CPSF2: variants seen among roughly 807,000 people sequenced by gnomAD.
The protein encoded by CPSF2 is cleavage and polyadenylation specific factor 2.
A neutral mutation model predicts 84.2 loss-of-function variants in CPSF2; 51 were observed. That is an observed-to-expected ratio of 0.61 (90% CI 0.48 to 0.77). CPSF2 has a LOEUF of 0.77. CPSF2 is among the 30% of genes least tolerant of loss of function. The pLI, the probability that CPSF2 is intolerant of heterozygous loss-of-function variation, is 0.00. For missense variants in CPSF2, 641 were observed against 929.4 expected (o/e 0.69, Z 4.03); for synonymous variants, 286 against 311.9 (o/e 0.92, Z 0.87).
At position 92,165,182 on chromosome 14, in the gene CPSF2, A is replaced by G. The variant is rs987412127; in HGVS notation, c.*3438A>G. On this transcript the variant is annotated 3_prime_UTR_variant, in exon 16 of 16. Transcript: ENST00000298875. The stretch of plus-strand genomic sequence containing the variant: ...CTTATCCATTCAACCGTTGATGTAC[A>G]TTTGAGTTGATTCCAAATTTTGGCT... The G allele has an allele frequency of 2.0e-5, 3 of 151,798 alleles. No individual in the cohort carries two copies. The highest frequency in any genetic ancestry group is 7.3e-5 in the African/African-American group (3 of 41,292). 9.4% of individuals were successfully genotyped at this position (151,798 alleles called of 1,614,324 possible).
chr14:92,147,021 T>C (rs1343638695), intron 9 of CPSF2, among the ~76,000 whole-genome samples: 1 of 152,176 alleles, frequency 6.6e-6, no homozygotes, highest in East Asian at 1.9e-4. Context: ...ATCACCTTAC[T>C]TGAAGTATTT....
At chr14:92,149,449 T>G (rs947353259) in intron 9 of CPSF2, among the ~76,000 whole-genome samples, 2 of 152,000 alleles carry the variant, frequency 1.3e-5, no homozygotes, top group Non-Finnish European at 2.9e-5. Context: ...AAAAGAAATT[T>G]GAAAGAGAAT....
chr14:92,168,066 G>GA lies in CPSF2; in HGVS notation c.*6322_*6323insA, dbSNP rs2069473278. 1 of 151,880 alleles carries GA rather than the reference G, an allele frequency of 6.6e-6. No homozygotes were observed. Among genetic ancestry groups the GA allele is most frequent in the African/African-American group, 2.4e-5 (1 of 41,306 alleles). The allele number at this position is 151,880 out of a possible 1,614,324, so 9.4% of individuals were successfully genotyped here. On this transcript the variant is annotated 3_prime_UTR_variant, in exon 16 of 16. Coordinates refer to ENST00000298875, the MANE Select transcript of CPSF2 (RefSeq NM_017437.3). ...GTTCCAGACCAGCCTGGCCAACATG[G>GA]TGAAACCTCATCTCTACTAAAATTA...
At chr14:92,136,313 G>A (rs189118106) in intron 6 of CPSF2, among the ~76,000 whole-genome samples, 1 of 152,272 alleles carries the variant, frequency 6.6e-6, no homozygotes, top group East Asian at 1.9e-4. Flanking sequence ...AGATTAATGA[G>A]GAAAGGATGG....
At chr14:92,132,324 AG>A (rs2068942706) in intron 3 of CPSF2, among the ~76,000 whole-genome samples, 1 of 151,784 alleles carries the variant, frequency 6.6e-6, no homozygotes, top group Non-Finnish European at 1.5e-5. Context: ...TAGTAGAAAC[AG>A]GGTTTCACCA....
chr14:92,159,778 TATTA>T (rs2069344518), intron 14 of CPSF2, among the ~76,000 whole-genome samples: 1 of 152,204 alleles, frequency 6.6e-6, no homozygotes, highest in Non-Finnish European at 1.5e-5. Flanking sequence ...TCTGTGTATA[TATTA>T]ATTCTATATA....
intron 6 of CPSF2, 65 bp downstream of exon 6, chr14:92,135,561 A>C (rs2141457986): frequency 6.8e-7 from 1 of 1,470,322 alleles, no homozygotes; most frequent in South Asian, 1.4e-5. Flanking sequence ...TTGGAGAAAA[A>C]ATAAGAAACA....
intron 7 of CPSF2, among the ~76,000 whole-genome samples, chr14:92,138,628 C>G (rs1489739543): frequency 6.6e-6 from 1 of 152,018 alleles, no homozygotes; most frequent in South Asian, 2.1e-4. Flanking sequence ...CAGGGTTTCT[C>G]CATGTTGGCC....
rs552868474 is a variant in CPSF2, at chr14:92,137,934, CAG to C, written c.546-297_546-296del. Among the ~76,000 whole-genome samples the C allele has an allele frequency of 1.8e-4, 27 of 151,912 alleles. 1 individual carries two copies. In the South Asian group the frequency reaches 5.2e-3, roughly 29 times the overall value. On this transcript the variant is annotated intron_variant, in intron 6 of 15. Coordinates refer to ENST00000298875, the MANE Select transcript of CPSF2 (RefSeq NM_017437.3). Reference sequence around the variant, plus strand: ...ATGTATATCAGTACTTACCATAAGACAGGGCAAAAAGAAAAATAAAAAAAATA... The same window carrying C: ...ATGTATATCAGTACTTACCATAAGACGGCAAAAAGAAAAATAAAAAAAATA...
At chr14:92,145,291 T>C (rs1305861809) in intron 9 of CPSF2, among the ~76,000 whole-genome samples, 2 of 152,212 alleles carry the variant, frequency 1.3e-5, no homozygotes, top group African/African-American at 2.4e-5. Flanking sequence ...TGGAGTGCAG[T>C]GGCACCATCA....
chr14:92,132,772 CA>C (rs1293124871), intron 3 of CPSF2, among the ~76,000 whole-genome samples: 6 of 133,330 alleles, frequency 4.5e-5, no homozygotes, highest in Non-Finnish European at 3.2e-5. Flanking sequence ...AACTCCGTCT[CA>C]AAAAAAAAAC....
intron 1 of CPSF2, among the ~76,000 whole-genome samples, chr14:92,123,738 A>C (rs189723816): frequency 1.3e-5 from 2 of 152,312 alleles, no homozygotes; most frequent in Non-Finnish European, 1.5e-5. Flanking sequence ...TAACTGTGAG[A>C]TATTTGCGAT....
intron 7 of CPSF2, 117 bp downstream of exon 7, chr14:92,138,464 C>G: frequency 4.1e-6 from 2 of 492,302 alleles, no homozygotes; most frequent in South Asian, 4.7e-5. Context: ...GACTTTCGCT[C>G]TTTCACCCAG....
In CPSF2 at chr14:92,170,419, C is replaced by T. The variant is rs2069503418; in HGVS notation, c.*8675C>T. On this transcript the variant is annotated 3_prime_UTR_variant, in exon 16 of 16. Coordinates refer to ENST00000298875, the MANE Select transcript of CPSF2 (RefSeq NM_017437.3). ...AGTGTATACTTTTTAAAAACAAGGA[C>T]ACTCCTACATAACCACAGTACTTAA... 6.6e-6 allele frequency: 1 copy of T among 152,120 alleles called. No individual in the cohort carries two copies. The highest frequency in any genetic ancestry group is 2.1e-4 in the South Asian group (1 of 4,826). 9.4% of individuals were successfully genotyped at this position (152,120 alleles called of 1,614,324 possible).
At chr14:92,151,275 C>T (rs949812411) in intron 9 of CPSF2, among the ~76,000 whole-genome samples, 2 of 152,008 alleles carry the variant, frequency 1.3e-5, no homozygotes, top group African/African-American at 4.8e-5. Context: ...TCTGTGGTCG[C>T]AGCTATTCAG....
Position 92,156,622 on chromosome 14 carries a change from T to C in CPSF2, c.1586T>C (p.Ile529Thr). 6.4e-7 allele frequency: 1 copy of C among 1,567,594 alleles called. No individual in the cohort carries two copies. Residue 529 changes from isoleucine to threonine, a missense_variant, in exon 12 of 16, where the codon ATT (isoleucine) becomes ACT (threonine). Ile to Thr is a moderately conservative substitution (Grantham distance 89, BLOSUM62 -1). Around this residue, in one of 2 missense-constraint regions of CPSF2, gnomAD observed 430 missense variants for 553.6 expected, o/e 0.78. Transcript: ENST00000298875. Reference protein sequence around the residue: ...PTKCISTTESIEIKARVTYID... With the variant: ...PTKCISTTESTEIKARVTYID... ...AAATGTATTTCTACAACAGAGTCTA[T>C]TGAAATAAAGTAAGTGCTTTTGTGA...
At chr14:92,154,300 C>A in intron 9 of CPSF2, 58 bp from the exon 10 acceptor site, 1 of 1,269,294 alleles carries the variant, frequency 7.9e-7, no homozygotes. Context: ...TATCCCACTG[C>A]TTTAACCCCC....
rs764988775 is a variant in CPSF2 at position 92,143,221 on chromosome 14, C to T, written c.1067C>T (p.Thr356Ile). 3.1e-6 allele frequency: 5 copies of T among 1,613,562 alleles called. No individual in the cohort carries two copies. Among genetic ancestry groups the T allele is most frequent in the Non-Finnish European group, 4.2e-6 (5 of 1,179,544 alleles). The change falls in exon 9 of 16, where the codon ACC becomes ATC. Residue 356 changes from threonine to isoleucine, a missense_variant. Around this residue, in one of 2 missense-constraint regions of CPSF2, gnomAD observed 430 missense variants for 553.6 expected, o/e 0.78. Coordinates refer to ENST00000298875, the MANE Select transcript of CPSF2 (RefSeq NM_017437.3). Reference sequence around the variant, plus strand: ...GACCCTAAAAACTCAATCATTCTAACCTACAGAACTACTCCTGGGACTTTA... The same window carrying T: ...GACCCTAAAAACTCAATCATTCTAATCTACAGAACTACTCCTGGGACTTTA... ...CQDPKNSIIL[T>I]YRTTPGTLAR...
At chr14:92,123,179 G>T (rs2068799607) in intron 1 of CPSF2, among the ~76,000 whole-genome samples, 1 of 152,124 alleles carries the variant, frequency 6.6e-6, no homozygotes, top group African/African-American at 2.4e-5. Context: ...CCAGGCTGGA[G>T]TGCAGTGGCA....
Sources: gnomAD v4.1 joint callset for allele counts (sites outside exome capture counted in the v4.1 genomes callset) on GRCh38, gnomAD v4.1.1 for gene constraint, gnomAD v4.1.1 regional missense constraint, MANE v1.5 for transcripts, NCBI Gene and HGNC (gene_info 2026-07-23, HGNC 2026-07-21) for gene names.